SEC61A1: variants seen among roughly 807,000 people sequenced by gnomAD.
SEC61A1 encodes the protein SEC61 translocon subunit alpha 1.
SEC61A1 carries 15 observed loss-of-function variants against 55.2 expected under a neutral mutation model. That is an observed-to-expected ratio of 0.27 (90% CI 0.18 to 0.42). SEC61A1 has a LOEUF of 0.42. Among genes scored for constraint, SEC61A1 ranks in the 10% least tolerant of loss-of-function variants. SEC61A1 has a pLI of 1.00. For synonymous variants in SEC61A1, 247 were observed against 234.0 expected (o/e 1.06, Z -0.51); for missense variants, 284 against 602.6 (o/e 0.47, Z 5.53).
intron 5 of SEC61A1, among the ~76,000 whole-genome samples, chr3:128,059,047 A>T (rs1273996881): frequency 7.2e-6 from 1 of 139,394 alleles, no homozygotes; most frequent in Non-Finnish European, 1.7e-5. Context: ...GACAGATTAA[A>T]TAGGAAAGCT....
chr3:128,064,852 T>C (rs1308785397), intron 7 of SEC61A1, 25 bp from the exon 8 acceptor site: 21 of 1,564,060 alleles, frequency 1.3e-5, no homozygotes, highest in Non-Finnish European at 1.7e-5. Flanking sequence ...CGTTCCTTCA[T>C]ATATGTCTCC....
In SEC61A1 at chr3:128,060,583, T is replaced by G; in HGVS notation, c.538T>G (p.Ser180Ala). Residue 180 changes from serine (S) to alanine (A), a missense_variant, in exon 7 of 12, where the codon TCT becomes GCT. Coordinates refer to ENST00000243253, the MANE Select transcript of SEC61A1 (RefSeq NM_013336.4). The stretch of plus-strand genomic sequence containing the variant: ...AGGATATGGCCTTGGCTCTGGTATT[T>G]CTCTCTTCATTGCAACTAACATCTG... Reference protein sequence around the residue: ...QKGYGLGSGISLFIATNICET... With the variant: ...QKGYGLGSGIALFIATNICET... 6.2e-7 allele frequency: 1 copy of G among 1,614,184 alleles called. No individual in the cohort carries two copies. Among genetic ancestry groups the G allele is most frequent in the Non-Finnish European group, 8.5e-7 (1 of 1,180,028 alleles).
rs1028300631 is a variant in SEC61A1, at chr3:128,056,776, C to T, written c.288C>T (p.Gly96=). 1.9e-6 allele frequency: 3 copies of T among 1,609,698 alleles called. No homozygotes were observed. Among genetic ancestry groups the T allele is most frequent in the Admixed American group, 1.7e-5 (1 of 59,214 alleles). ...GCCTTATAATGCAACTCTTGGCTGG[C>T]GCCAAGATAATTGAAGTTGGTGACA... ...TSGLIMQLLA[G]AKIIEVGDTP... Residue 96 remains glycine (G), a synonymous_variant, in exon 5 of 12, where the codon GGC becomes GGT. Coordinates refer to ENST00000243253, the MANE Select transcript of SEC61A1 (RefSeq NM_013336.4).
In SEC61A1 at chr3:128,067,977, C is replaced by G. The variant is rs544872426; in HGVS notation, c.1168-6C>G. The G allele has an allele frequency of 2.4e-5, 39 of 1,613,616 alleles. No individual in the cohort carries two copies. Among genetic ancestry groups the G allele is most frequent in the Non-Finnish European group, 3.2e-5 (38 of 1,179,748 alleles). On this transcript the variant is annotated splice_polypyrimidine_tract_variant and splice_region_variant and intron_variant, in intron 10 of 11. Coordinates refer to ENST00000243253, the MANE Select transcript of SEC61A1 (RefSeq NM_013336.4). The surrounding 1 kb of genome is among the most constrained non-coding windows in gnomAD (Gnocchi z 4.1). ...TTCCAACTTCTCCCCTGTGGGCACCCTGCAGGTTGCAAAGCAGCTGAAGGA... is the reference window on the plus strand; with the variant it reads ...TTCCAACTTCTCCCCTGTGGGCACCGTGCAGGTTGCAAAGCAGCTGAAGGA...
rs1469182310 is a variant in SEC61A1 at position 128,067,440 on chromosome 3, C to T, written c.995C>T (p.Pro332Leu). Residue 332 changes from proline (P) to leucine (L), a missense_variant, in exon 10 of 12, where the codon CCA (proline) becomes CTA (leucine). Coordinates refer to ENST00000243253, the MANE Select transcript of SEC61A1 (RefSeq NM_013336.4). The surrounding 1 kb of genome is among the most constrained non-coding windows in gnomAD (Gnocchi z 4.1). ...CCCCAGGACACGTCTTCTGGGGGCC[C>T]AGCACGTGCTTATCCAGTTGGTGGC... ...GTWSDTSSGGPARAYPVGGLC... is the reference protein window; with the variant it reads ...GTWSDTSSGGLARAYPVGGLC... 5.0e-6 allele frequency: 8 copies of T among 1,613,310 alleles called. No individual in the cohort carries two copies. The highest frequency in any genetic ancestry group is 6.8e-6 in the Non-Finnish European group (8 of 1,179,804).
upstream of SEC61A1, among the ~76,000 whole-genome samples, chr3:128,052,188 C>T (rs541433776): frequency 6.6e-6 from 1 of 152,028 alleles, no homozygotes; most frequent in South Asian, 2.1e-4. Context: ...ACCCTCCCCG[C>T]GCGCTCTCGC....
chr3:128,065,706 C>A (rs1277134802), intron 8 of SEC61A1, among the ~76,000 whole-genome samples: 2 of 149,398 alleles, frequency 1.3e-5, no homozygotes, highest in African/African-American at 2.5e-5. Context: ...GGGGCTTTGC[C>A]AGAATTTGCA....
At chr3:128,059,454 C>T (rs1168138329) in intron 5 of SEC61A1, among the ~76,000 whole-genome samples, 1 of 148,154 alleles carries the variant, frequency 6.7e-6, no homozygotes, top group Non-Finnish European at 1.5e-5. Context: ...GCCTGGGCGA[C>T]AGAGACTCCG....
chr3:128,056,749 T>A lies in SEC61A1; in HGVS notation c.261T>A (p.Ser87=). 6.2e-7 allele frequency: 1 copy of A among 1,610,084 alleles called. No homozygotes were observed. The highest frequency in any genetic ancestry group is 1.1e-5 in the South Asian group (1 of 90,392). The change falls in exon 5 of 12, where the codon TCT becomes TCA. Residue 87 remains serine, a synonymous_variant. Transcript: ENST00000243253. Reference sequence around the variant, plus strand: ...TAGGGATCTCTCCTATTGTCACGTCTGGCCTTATAATGCAACTCTTGGCTG... The same window carrying A: ...TAGGGATCTCTCCTATTGTCACGTCAGGCCTTATAATGCAACTCTTGGCTG... ...MELGISPIVT[S]GLIMQLLAGA...
At chr3:128,068,841 AATG>A (rs979893672) in intron 11 of SEC61A1, 4 of 152,620 alleles carry the variant, frequency 2.6e-5, no homozygotes, top group Non-Finnish European at 5.9e-5. Flanking sequence ...ACAACAGACA[AATG>A]AGCATGGCCG....
At chr3:128,058,358 G>A (rs980179852) in intron 5 of SEC61A1, among the ~76,000 whole-genome samples, 9 of 151,836 alleles carry the variant, frequency 5.9e-5, no homozygotes, top group Admixed American at 6.6e-5. Context: ...ACAGGTGCCC[G>A]CCACCACGCC....
In SEC61A1 at chr3:128,052,519, T is replaced by C; in HGVS notation, c.-34T>C. ...CGCCTCACGCGGAGCAGAGCTGAGC[T>C]GAAGCGGGACCCGGAGCCCGAGCAG... On this transcript the variant is annotated 5_prime_UTR_variant, in exon 1 of 12. Coordinates refer to ENST00000243253, the MANE Select transcript of SEC61A1 (RefSeq NM_013336.4). The C allele has an allele frequency of 6.3e-7, 1 of 1,592,794 alleles. No individual in the cohort carries two copies. The highest frequency in any genetic ancestry group is 8.5e-7 in the Non-Finnish European group (1 of 1,170,604).
In SEC61A1 at chr3:128,069,784, T is replaced by A; in HGVS notation, c.*122T>A. 1.1e-6 allele frequency: 1 copy of A among 882,112 alleles called. No homozygotes were observed. Among genetic ancestry groups the A allele is most frequent in the East Asian group, 2.5e-5 (1 of 40,626 alleles). 54.6% of individuals were successfully genotyped at this position (882,112 alleles called of 1,614,324 possible). On this transcript the variant is annotated 3_prime_UTR_variant, in exon 12 of 12. Coordinates refer to ENST00000243253, the MANE Select transcript of SEC61A1 (RefSeq NM_013336.4). The stretch of plus-strand genomic sequence containing the variant: ...ATAATGTTTTTGAATTTCGTATTCT[T>A]TCATTCCACTGTGTAAAGTGCTAGA...
chr3:128,056,573 T>G (rs978784847), intron 4 of SEC61A1, 136 bp from the exon 5 acceptor site: 1 of 713,930 alleles, frequency 1.4e-6, no homozygotes, highest in African/African-American at 1.8e-5. Flanking sequence ...GGGTTCTAAA[T>G]TAAACACAGC....
intron 8 of SEC61A1, 86 bp downstream of exon 8, chr3:128,065,123 GT>G (rs1367675957): frequency 5.2e-6 from 7 of 1,357,004 alleles, no homozygotes; most frequent in Non-Finnish European, 7.4e-6. Context: ...ACTCTGTGGG[GT>G]GCACTGTCAT....
upstream of SEC61A1, chr3:128,051,767 G>A: frequency 3.3e-6 from 5 of 1,514,636 alleles, no homozygotes; most frequent in East Asian, 2.5e-5. Flanking sequence ...TCTTCTGTGA[G>A]GCAGACTACT....
intron 11 of SEC61A1, 87 bp downstream of exon 11, chr3:128,068,146 C>CTT: frequency 1.1e-6 from 1 of 914,728 alleles, no homozygotes; most frequent in Non-Finnish European, 1.8e-6. Context: ...GGCCCTAGCA[C>CTT]TTACTGGGTC....
At chr3:128,065,261 G>C (rs941260204) in intron 8 of SEC61A1, 8 of 624,814 alleles carry the variant, frequency 1.3e-5, no homozygotes, top group African/African-American at 1.8e-5. Flanking sequence ...TCTAACGTAA[G>C]TGAAATCATG....
In SEC61A1 at chr3:128,067,974, A is replaced by G; in HGVS notation, c.1168-9A>G. On this transcript the variant is annotated splice_polypyrimidine_tract_variant and intron_variant, in intron 10 of 11. Transcript: ENST00000243253. The surrounding 1 kb of genome is among the most constrained non-coding windows in gnomAD (Gnocchi z 4.1). ...CAATTCCAACTTCTCCCCTGTGGGC[A>G]CCCTGCAGGTTGCAAAGCAGCTGAA... is the stretch of plus-strand genomic sequence containing the variant. 1 of 1,613,080 alleles carries G rather than the reference A, an allele frequency of 6.2e-7. No homozygotes were observed. The highest frequency in any genetic ancestry group is 8.5e-7 in the Non-Finnish European group (1 of 1,179,282).
Sources: allele counts gnomAD v4.1 joint callset (sites outside exome capture counted in the v4.1 genomes callset), GRCh38; gene constraint gnomAD v4.1.1; non-coding constraint Gnocchi (gnomAD v3.1); transcripts MANE v1.5; gene names NCBI Gene and HGNC (gene_info 2026-07-23, HGNC 2026-07-21).